Variants in CFAP47 observed in about 807,000 individuals in gnomAD.
The protein encoded by CFAP47 is cilia- and flagella-associated protein 47.
In CFAP47, 29 loss-of-function variants were observed where a neutral mutation model predicts 148.1. The observed-to-expected ratio is 0.20, with a 90% CI of 0.15 to 0.27. The LOEUF (loss-of-function observed/expected upper bound fraction) is 0.27, where lower values mean the gene tolerates loss of function less well. CFAP47 is among the 10% of genes least tolerant of loss of function. CFAP47 has a pLI of 1.00. For missense variants in CFAP47, 1,872 were observed against 1,697.5 expected (o/e 1.10, Z -1.81); for synonymous variants, 664 against 577.3 (o/e 1.15, Z -2.15).
chrX:36,020,830 A>G (rs1405243135), intron 22 of CFAP47, among the ~76,000 whole-genome samples: 1 of 111,294 alleles, frequency 9.0e-6, no homozygotes, highest in East Asian at 2.9e-4. Flanking sequence ...ATTATTGTTA[A>G]GTAAGGACTT....
chrX:36,260,488 C>G (rs1940804614), intron 49 of CFAP47, among the ~76,000 whole-genome samples: 2 of 112,103 alleles, frequency 1.8e-5, no homozygotes, highest in South Asian at 7.3e-4. Flanking sequence ...TTATGATCAG[C>G]ATTTTTTCAT....
At position 36,384,848 on chromosome X, in the gene CFAP47, G is replaced by A. The variant is rs781930118; in HGVS notation, c.9406G>A (p.Val3136Met). 1.5e-5 allele frequency: 17 copies of A among 1,164,783 alleles called. No homozygotes were observed. The highest frequency in any genetic ancestry group is 6.5e-5 in the East Asian group (2 of 30,678). ...YEINGLTPTTVPPKNAKAKID... is the reference protein window; with the variant it reads ...YEINGLTPTTMPPKNAKAKID... ...GATCAATGGATTAACTCCAACTACC[G>A]TGCCACCAAAAAATGCAAAAGCCAA... The change falls in exon 64 of 64, where the codon GTG becomes ATG. Residue 3136 changes from valine (V) to methionine (M), a missense_variant. Transcript: ENST00000378653.
chrX:35,948,489 G>T, intron 4 of CFAP47, 37 bp downstream of exon 4: 1 of 1,069,361 alleles, frequency 9.4e-7, no homozygotes, highest in Non-Finnish European at 1.3e-6. Context: ...TTATAATACA[G>T]ATCTCAATGC....
intron 24 of CFAP47, among the ~76,000 whole-genome samples, chrX:36,038,051 A>G (rs956094860): frequency 9.0e-6 from 1 of 111,524 alleles, no homozygotes; most frequent in African/African-American, 3.3e-5. Context: ...TTACTTGATC[A>G]GGTAAAGGGC....
At chrX:36,232,346 G>A (rs1204226698) in intron 46 of CFAP47, among the ~76,000 whole-genome samples, 133 of 111,981 alleles carry the variant, frequency 1.2e-3, no homozygotes, top group Non-Finnish European at 3.6e-4. Context: ...TCTTGGGAGA[G>A]TGTATGTGTC....
chrX:36,147,865 A>G (rs1939257175), intron 36 of CFAP47, among the ~76,000 whole-genome samples: 1 of 112,462 alleles, frequency 8.9e-6, no homozygotes, highest in African/African-American at 3.2e-5. Flanking sequence ...CCTGAACTTC[A>G]TAATTTGCAG....
chrX:35,966,450 T>C (rs1377451490), intron 8 of CFAP47, 115 bp from the exon 9 acceptor site: 1 of 366,442 alleles, frequency 2.7e-6, no homozygotes, highest in Non-Finnish European at 4.3e-6. Context: ...ACTTTCATAT[T>C]ACCATTATGA....
chrX:36,186,998 A>G (rs1555985788), intron 40 of CFAP47, among the ~76,000 whole-genome samples: 2 of 111,625 alleles, frequency 1.8e-5, no homozygotes, highest in South Asian at 7.4e-4. Flanking sequence ...ATTAACAGAA[A>G]GGTAAATAAA....
chrX:36,209,679 C>T (rs1940078721), intron 45 of CFAP47, among the ~76,000 whole-genome samples: 1 of 111,381 alleles, frequency 9.0e-6, no homozygotes, highest in Admixed American at 9.6e-5. Context: ...AGGATATTCA[C>T]CTGTGCTCAC....
At chrX:36,271,305 T>G (rs1940956306) in intron 49 of CFAP47, among the ~76,000 whole-genome samples, 1 of 111,920 alleles carries the variant, frequency 8.9e-6, no homozygotes, top group African/African-American at 3.2e-5. Flanking sequence ...GTTCACAAAC[T>G]GATGAAATTC....
At chrX:36,123,490 C>T (rs1938783046) in intron 33 of CFAP47, among the ~76,000 whole-genome samples, 1 of 111,750 alleles carries the variant, frequency 8.9e-6, no homozygotes, top group South Asian at 3.8e-4. Flanking sequence ...TAAGCTGGCA[C>T]TAAAACTATG....
chrX:36,285,992 A>T (rs1941128903), intron 51 of CFAP47, among the ~76,000 whole-genome samples: 1 of 111,635 alleles, frequency 9.0e-6, no homozygotes, highest in Admixed American at 9.5e-5. Context: ...GAGCAAACTT[A>T]ACCTTAGTCT....
At chrX:36,373,628 A>G (rs1941993652) in intron 62 of CFAP47, among the ~76,000 whole-genome samples, 1 of 111,450 alleles carries the variant, frequency 9.0e-6, no homozygotes, top group African/African-American at 3.3e-5. Flanking sequence ...ACATGCAAAG[A>G]GGGGGCATTT....
At chrX:36,039,708 C>T (rs1460527428) in intron 25 of CFAP47, among the ~76,000 whole-genome samples, 1 of 111,542 alleles carries the variant, frequency 9.0e-6, no homozygotes, top group Non-Finnish European at 1.9e-5. Context: ...AGAACTAAAG[C>T]ATCATTTTTT....
intron 33 of CFAP47, among the ~76,000 whole-genome samples, chrX:36,115,366 A>C (rs1398881220): frequency 8.9e-6 from 1 of 112,126 alleles, no homozygotes; most frequent in Admixed American, 9.5e-5. Context: ...ATTTATCACA[A>C]CACTTGGAAC....
At chrX:36,234,599 C>G (rs1940426107) in intron 46 of CFAP47, among the ~76,000 whole-genome samples, 2 of 112,234 alleles carry the variant, frequency 1.8e-5, no homozygotes, top group Non-Finnish European at 3.8e-5. Context: ...TCATCTGAGG[C>G]CTTCTTCTCT....
At chrX:36,174,288 C>G (rs1160977379) in intron 39 of CFAP47, among the ~76,000 whole-genome samples, 2 of 110,222 alleles carry the variant, frequency 1.8e-5, no homozygotes. Context: ...TTGGAGCATA[C>G]AGTCCATTTA....
At chrX:36,018,019 T>A (rs909387400) in intron 22 of CFAP47, among the ~76,000 whole-genome samples, 1 of 111,541 alleles carries the variant, frequency 9.0e-6, no homozygotes, top group South Asian at 3.8e-4. Context: ...ATCCCTTTTT[T>A]TGGCGTCCTC....
chrX:36,079,796 T>G (rs1163810421), intron 29 of CFAP47, among the ~76,000 whole-genome samples: 1 of 111,672 alleles, frequency 9.0e-6, no homozygotes, highest in Non-Finnish European at 1.9e-5. Context: ...GATTAAAGAC[T>G]TAAATGTTAG....
Sources: gnomAD v4.1 joint callset for allele counts (sites outside exome capture counted in the v4.1 genomes callset) on GRCh38, gnomAD v4.1.1 for gene constraint, MANE v1.5 for transcripts, NCBI Gene and HGNC (gene_info 2026-07-23, HGNC 2026-07-21) for gene names.